The following STX8 variants were observed in gnomAD, a reference collection of about 807,000 sequenced individuals.
STX8 encodes the protein syntaxin-8.
In STX8, 23 loss-of-function variants were observed where a neutral mutation model predicts 37.5. That is an observed-to-expected ratio of 0.61 (90% CI 0.44 to 0.87). The LOEUF (loss-of-function observed/expected upper bound fraction) is 0.87, where lower values mean the gene tolerates loss of function less well. STX8 is among the 40% of genes least tolerant of loss of function. STX8 has a pLI of 0.00. For synonymous variants in STX8, 115 were observed against 99.1 expected, an observed-to-expected ratio of 1.16 and a Z score of -0.95; for missense variants, 313 against 284.7, an observed-to-expected ratio of 1.10 and a Z score of -0.71.
intron 2 of STX8, among the ~76,000 whole-genome samples, chr17:9,559,213 C>G (rs867564675): frequency 6.6e-6 from 1 of 151,900 alleles, no homozygotes; most frequent in South Asian, 2.1e-4. Context: ...TTCTAGAGCA[C>G]AAAAAAAGAT....
intron 4 of STX8, among the ~76,000 whole-genome samples, chr17:9,513,313 CAAAAAAAAAAA>C (rs35228175): frequency 2.1e-4 from 16 of 78,022 alleles, no homozygotes; most frequent in East Asian, 1.4e-3. Flanking sequence ...ACTCTATTTC[CAAAAAAAAAAA>C]AAAAAAAAAA....
At chr17:9,546,041 GAGA>G (rs1179537962) in intron 3 of STX8, among the ~76,000 whole-genome samples, 1 of 152,168 alleles carries the variant, frequency 6.6e-6, no homozygotes, top group Non-Finnish European at 1.5e-5. Flanking sequence ...CGCTGGGGGA[GAGA>G]AGTTCTCTAT....
rs1299566599 is a variant in STX8 at position 9,354,921 on chromosome 17, T to C, written c.643+23631A>G. Among the ~76,000 whole-genome samples, 3 of 152,196 alleles carry C rather than the reference T, an allele frequency of 2.0e-5. No individual in the cohort carries two copies. In the East Asian group the frequency reaches 5.8e-4, roughly 29 times the overall value. On this transcript the variant is annotated intron_variant, in intron 7 of 7. Coordinates refer to ENST00000306357, the MANE Select transcript of STX8 (RefSeq NM_004853.3). ...CTTGTTTCTGTCCTCCCAGATCTTC[T>C]TTCTAGGGTTAATATTTGTCAGTAG...
At chr17:9,473,046 CTTTTTTTT>C (rs11309971) in intron 6 of STX8, among the ~76,000 whole-genome samples, 1 of 145,628 alleles carries the variant, frequency 6.9e-6, no homozygotes, top group Non-Finnish European at 1.5e-5. Context: ...ATCTTTTTTT[CTTTTTTTT>C]TTTTTGAGAT....
chr17:9,511,413 A>G (rs186465556), intron 4 of STX8, among the ~76,000 whole-genome samples: 132 of 152,322 alleles, frequency 8.7e-4, no homozygotes, highest in South Asian at 7.9e-3. Context: ...ACCATGATCA[A>G]GTGGAATTTA....
intron 6 of STX8, chr17:9,469,331 C>T (rs1326643974): frequency 6.7e-6 from 1 of 149,294 alleles, no homozygotes; most frequent in East Asian, 2.1e-4. Context: ...TCATGTCTGT[C>T]TCTCATCAGT....
At chr17:9,256,819 G>C (rs1906816173) in intron 7 of STX8, among the ~76,000 whole-genome samples, 1 of 152,234 alleles carries the variant, frequency 6.6e-6, no homozygotes, top group African/African-American at 2.4e-5. Context: ...GGTCACGTGT[G>C]AAAAGCAGAA....
rs191217803 is a variant in STX8 at position 9,400,323 on chromosome 17, G to T, written c.542-21670C>A. On this transcript the variant is annotated intron_variant, in intron 6 of 7. Transcript: ENST00000306357. Reference sequence around the variant, plus strand: ...TCACCGTGTTAGCCAGGATGGTCTCGATCTCCTGACCTTGTGATCCGCCTG... The same window carrying T: ...TCACCGTGTTAGCCAGGATGGTCTCTATCTCCTGACCTTGTGATCCGCCTG... 3.0e-3 allele frequency among the ~76,000 whole-genome samples: 450 copies of T among 151,850 alleles called. 2 individuals are homozygous for T. Among genetic ancestry groups the T allele is most frequent in the African/African-American group, 0.011 (438 of 41,428 alleles).
At chr17:9,508,656 G>A (rs1378041803) in intron 4 of STX8, among the ~76,000 whole-genome samples, 1 of 152,162 alleles carries the variant, frequency 6.6e-6, no homozygotes, top group Non-Finnish European at 1.5e-5. Flanking sequence ...GACAGATCTT[G>A]TGAAATAACA....
intron 7 of STX8, among the ~76,000 whole-genome samples, chr17:9,318,140 A>T (rs1164009386): frequency 6.6e-6 from 1 of 152,210 alleles, no homozygotes. Context: ...TTTTTTAAAT[A>T]CTTCAAGTTC....
At chr17:9,403,665 G>A (rs1912704059) in intron 6 of STX8, among the ~76,000 whole-genome samples, 1 of 151,182 alleles carries the variant, frequency 6.6e-6, no homozygotes. Flanking sequence ...TTTTTCCCCT[G>A]AGATGGAGTC....
chr17:9,344,285 G>C (rs1910461584), intron 7 of STX8, among the ~76,000 whole-genome samples: 1 of 148,148 alleles, frequency 6.8e-6, no homozygotes, highest in Non-Finnish European at 1.5e-5. Context: ...TTTTGAGATA[G>C]AGTCTCGCTC....
intron 7 of STX8, among the ~76,000 whole-genome samples, chr17:9,339,461 TG>T (rs1290290490): frequency 6.6e-6 from 1 of 152,098 alleles, no homozygotes; most frequent in Admixed American, 6.6e-5. Flanking sequence ...GAGAACGTCC[TG>T]GCTAATACGG....
intron 7 of STX8, among the ~76,000 whole-genome samples, chr17:9,307,986 G>T (rs1909059965): frequency 6.6e-6 from 1 of 152,200 alleles, no homozygotes; most frequent in East Asian, 1.9e-4. Flanking sequence ...ACACAGAGAG[G>T]CCAAGAAGAC....
intron 4 of STX8, among the ~76,000 whole-genome samples, chr17:9,534,997 G>A (rs1340907018): frequency 6.6e-6 from 1 of 152,138 alleles, no homozygotes; most frequent in African/African-American, 2.4e-5. Context: ...ATCTGAAGAT[G>A]AGAAGATGAA....
intron 6 of STX8, among the ~76,000 whole-genome samples, chr17:9,462,925 G>A (rs1026076703): frequency 9.9e-5 from 15 of 152,264 alleles, no homozygotes; most frequent in Non-Finnish European, 1.9e-4. Context: ...CAAGGGGCCC[G>A]CCACACTTCC....
At chr17:9,354,376 C>T (rs148197164) in intron 7 of STX8, among the ~76,000 whole-genome samples, 27 of 133,600 alleles carry the variant, frequency 2.0e-4, no homozygotes, top group South Asian at 1.6e-3. Flanking sequence ...GGCTGGAGTG[C>T]GGTGGTGAGA....
chr17:9,471,727 G>A (rs1450981559), intron 6 of STX8, among the ~76,000 whole-genome samples: 2 of 152,096 alleles, frequency 1.3e-5, no homozygotes, highest in East Asian at 1.9e-4. Flanking sequence ...TATGTCGCAC[G>A]TGCTGTCACA....
chr17:9,322,839 AAGAG>A (rs1909624453), intron 7 of STX8, among the ~76,000 whole-genome samples: 1 of 150,262 alleles, frequency 6.7e-6, no homozygotes, highest in Non-Finnish European at 1.5e-5. Context: ...AAAAAAAAAA[AAGAG>A]GCAAAACCCT....
Sources: gnomAD v4.1 joint callset for allele counts (sites outside exome capture counted in the v4.1 genomes callset) on GRCh38, gnomAD v4.1.1 for gene constraint, MANE v1.5 for transcripts, NCBI Gene and HGNC (gene_info 2026-07-23, HGNC 2026-07-21) for gene names.